AGBL4: variants seen among roughly 807,000 people sequenced by gnomAD.
The protein encoded by AGBL4 is AGBL carboxypeptidase 4, also known as cytosolic carboxypeptidase 6.
AGBL4 carries 58 observed loss-of-function variants against 66.4 expected under a neutral mutation model. The ratio of observed to expected loss-of-function variants is 0.87; its 90% confidence interval spans 0.71 to 1.09. The LOEUF is 1.09. Ranked by LOEUF, AGBL4 falls within the 50% of genes least tolerant of loss-of-function variation. The pLI is 0.00. For synonymous variants in AGBL4, 234 were observed against 222.9 expected (o/e 1.05, Z -0.44); for missense variants, 579 against 631.0 (o/e 0.92, Z 0.88).
chr1:49,446,142 T>A (rs1488188741), intron 3 of AGBL4, among the ~76,000 whole-genome samples: 1 of 152,314 alleles, frequency 6.6e-6, no homozygotes, highest in East Asian at 1.9e-4. Context: ...TGAGCCACCA[T>A]GCCCAGCCCA....
At chr1:49,739,747 T>G (rs1161460029) in intron 2 of AGBL4, among the ~76,000 whole-genome samples, 1 of 152,162 alleles carries the variant, frequency 6.6e-6, no homozygotes, top group Non-Finnish European at 1.5e-5. Context: ...GGGCCAATAT[T>G]CAACATTCTT....
At chr1:48,573,895 A>G (rs1427681764) in intron 11 of AGBL4, among the ~76,000 whole-genome samples, 1 of 152,202 alleles carries the variant, frequency 6.6e-6, no homozygotes, top group Non-Finnish European at 1.5e-5. Context: ...CCATCTACTC[A>G]AAACAACACT....
chr1:49,510,663 C>G (rs1288272407), intron 3 of AGBL4, among the ~76,000 whole-genome samples: 6 of 151,338 alleles, frequency 4.0e-5, no homozygotes, highest in Non-Finnish European at 8.9e-5. Flanking sequence ...TTGCCCATGC[C>G]TATGTCCTGA....
chr1:48,807,188 G>C (rs745983018), intron 6 of AGBL4, among the ~76,000 whole-genome samples: 6 of 152,194 alleles, frequency 3.9e-5, no homozygotes, highest in Non-Finnish European at 8.8e-5. Flanking sequence ...TTCCTTGCCT[G>C]TCTGCCCATT....
At chr1:49,982,155 T>G (rs1368802136) in intron 1 of AGBL4, among the ~76,000 whole-genome samples, 1 of 152,148 alleles carries the variant, frequency 6.6e-6, no homozygotes, top group Non-Finnish European at 1.5e-5. Flanking sequence ...TGTTCAAAAT[T>G]AAGTAGTATC....
rs139270770 is a variant in AGBL4, at chr1:48,937,837, C to A, written c.595-70607G>T. Among the ~76,000 whole-genome samples the A allele has an allele frequency of 4.2e-4, 64 of 152,282 alleles. 1 individual carries two copies. The East Asian group carries it at 0.012, about 28-fold the overall frequency. On this transcript the variant is annotated intron_variant, in intron 5 of 13. Transcript: ENST00000371839. ...GGTCCTTAGGAAATCACTGCTGTTA[C>A]CTTCCATACCCACTACTGCTTTGGA...
intron 3 of AGBL4, among the ~76,000 whole-genome samples, chr1:49,253,192 A>T (rs1308133638): frequency 6.6e-6 from 1 of 152,214 alleles, no homozygotes; most frequent in East Asian, 1.9e-4. Context: ...CATAGGCTCA[A>T]AATAAAGAAA....
At chr1:49,732,666 T>C (rs1412734329) in intron 2 of AGBL4, among the ~76,000 whole-genome samples, 2 of 152,014 alleles carry the variant, frequency 1.3e-5, no homozygotes, top group Non-Finnish European at 2.9e-5. Context: ...AACAGTAGAT[T>C]TGAGGTGACA....
At chr1:48,630,368 T>A (rs1645573923) in intron 9 of AGBL4, among the ~76,000 whole-genome samples, 1 of 152,102 alleles carries the variant, frequency 6.6e-6, no homozygotes, top group South Asian at 2.1e-4. Flanking sequence ...ACATATCACT[T>A]CAGGTCTACT....
intron 4 of AGBL4, among the ~76,000 whole-genome samples, chr1:49,236,604 G>A (rs1236191415): frequency 1.3e-5 from 2 of 152,110 alleles, no homozygotes; most frequent in Non-Finnish European, 2.9e-5. Context: ...GGTCTTGTGA[G>A]CTCTTCACCA....
intron 6 of AGBL4, among the ~76,000 whole-genome samples, chr1:48,665,964 A>G (rs1646180337): frequency 6.6e-6 from 1 of 152,228 alleles, no homozygotes; most frequent in South Asian, 2.1e-4. Context: ...CAAAATGGGC[A>G]TTCTATTTGC....
intron 1 of AGBL4, among the ~76,000 whole-genome samples, chr1:49,936,745 TAA>T (rs755848007): frequency 6.6e-6 from 1 of 151,882 alleles, no homozygotes; most frequent in African/African-American, 2.4e-5. Flanking sequence ...CTAAGCTTCA[TAA>T]AAGTGAAGGA....
At chr1:49,552,918 TATTA>T (rs1040269515) in intron 3 of AGBL4, among the ~76,000 whole-genome samples, 5 of 152,196 alleles carry the variant, frequency 3.3e-5, no homozygotes, top group African/African-American at 1.2e-4. Context: ...TTCATTTTAT[TATTA>T]ATTAGACAAA....
At chr1:48,591,016 T>C in intron 9 of AGBL4, 31 bp from the exon 10 acceptor site, 1 of 1,585,120 alleles carries the variant, frequency 6.3e-7, no homozygotes, top group East Asian at 2.3e-5. Context: ...AAATGAGAAG[T>C]CTGGGCTGTA....
intron 4 of AGBL4, among the ~76,000 whole-genome samples, chr1:49,233,586 A>ATTCCTTGGACAAAAATTCCT (rs1288981449): frequency 2.0e-5 from 3 of 152,164 alleles, no homozygotes; most frequent in African/African-American, 7.2e-5. Flanking sequence ...GGAATTTGCA[A>ATTCCTTGGACAAAAATTCCT]TTGGAATTTT....
At chr1:49,904,234 G>C (rs1015244072) in intron 1 of AGBL4, among the ~76,000 whole-genome samples, 1 of 152,038 alleles carries the variant, frequency 6.6e-6, no homozygotes, top group Non-Finnish European at 1.5e-5. Flanking sequence ...TACAACTTTA[G>C]ACCTTGAAGG....
At chr1:49,257,869 C>T (rs1288862699) in intron 3 of AGBL4, among the ~76,000 whole-genome samples, 1 of 152,136 alleles carries the variant, frequency 6.6e-6, no homozygotes, top group African/African-American at 2.4e-5. Context: ...TCTAGAGGGT[C>T]CCTGACCCCT....
intron 6 of AGBL4, among the ~76,000 whole-genome samples, chr1:48,767,276 A>G (rs1245460482): frequency 6.6e-6 from 1 of 152,162 alleles, no homozygotes; most frequent in African/African-American, 2.4e-5. Context: ...ACTCTTTTCC[A>G]AAGAGATAGT....
intron 6 of AGBL4, among the ~76,000 whole-genome samples, chr1:48,814,553 CT>C (rs1286849184): frequency 6.6e-6 from 1 of 151,800 alleles, no homozygotes; most frequent in Non-Finnish European, 1.5e-5. Flanking sequence ...CTTATTCCTC[CT>C]ATCTACCTGT....
Sources: allele counts gnomAD v4.1 joint callset (sites outside exome capture counted in the v4.1 genomes callset), GRCh38; gene constraint gnomAD v4.1.1; transcripts MANE v1.5; gene names NCBI Gene and HGNC (gene_info 2026-07-23, HGNC 2026-07-21).